C10orf90: variants seen among roughly 807,000 people sequenced by gnomAD.
C10orf90 encodes (E2-independent) E3 ubiquitin-conjugating enzyme FATS.
Under a neutral mutation model 62.5 loss-of-function variants are expected in C10orf90, and 56 were observed. The ratio of observed to expected loss-of-function variants is 0.90; its 90% CI spans 0.72 to 1.12. The LOEUF (loss-of-function observed/expected upper bound fraction) is 1.12, where lower values mean the gene tolerates loss of function less well. C10orf90 is among the 50% of genes most tolerant of loss of function. The pLI, the probability that C10orf90 is intolerant of heterozygous loss-of-function variation, is 0.00. For missense variants in C10orf90, 970 were observed against 880.4 expected (o/e 1.10, Z -1.29); for synonymous variants, 386 against 340.4 (o/e 1.13, Z -1.47).
At chr10:126,457,837 G>T (rs1166844299) in intron 7 of C10orf90, among the ~76,000 whole-genome samples, 1 of 152,158 alleles carries the variant, frequency 6.6e-6, no homozygotes, top group African/African-American at 2.4e-5. Context: ...AGATGAAAAA[G>T]CTTCCTGGAA....
intron 7 of C10orf90, among the ~76,000 whole-genome samples, chr10:126,457,197 C>T (rs1859641676): frequency 6.6e-6 from 1 of 152,146 alleles, no homozygotes; most frequent in South Asian, 2.1e-4. Flanking sequence ...CCATGTTGCC[C>T]AGGCTGGTCT....
intron 2 of C10orf90, among the ~76,000 whole-genome samples, chr10:126,608,894 A>C (rs1416848445): frequency 6.6e-6 from 1 of 152,222 alleles, no homozygotes; most frequent in Non-Finnish European, 1.5e-5. Context: ...TTTGTAGTTC[A>C]GCACATATGG....
intron 2 of C10orf90, among the ~76,000 whole-genome samples, chr10:126,546,824 T>C (rs1393807037): frequency 1.3e-5 from 2 of 152,222 alleles, no homozygotes; most frequent in African/African-American, 2.4e-5. Flanking sequence ...CAGGTTTTCA[T>C]TGAAAAATCA....
chr10:126,640,708 A>G (rs1363502317), intron 2 of C10orf90, among the ~76,000 whole-genome samples: 2 of 152,206 alleles, frequency 1.3e-5, no homozygotes, highest in African/African-American at 4.8e-5. Context: ...GGGTTTTCAG[A>G]CAGAAGAGTC....
Position 126,459,212 on chromosome 10 carries a change from T to C in C10orf90, c.2016A>G (p.Ala672=), listed in dbSNP as rs781271348. The C allele has an allele frequency of 5.0e-6, 8 of 1,613,728 alleles. No individual in the cohort carries two copies. The Admixed American group carries it at 6.7e-5, about 13-fold the overall frequency. Residue 672 remains alanine, a synonymous_variant, in exon 7 of 10, where the codon GCA becomes GCG. Transcript: ENST00000488181. The part of the protein sequence containing the change: ...TPARSLTLQE[A]LEVRKPQFIS... Reference sequence around the variant, plus strand: ...TGAACTGAGGCTTACGAACTTCCAGTGCTTCCTATGCAAAGCAAAGAAAAT... The same window carrying C: ...TGAACTGAGGCTTACGAACTTCCAGCGCTTCCTATGCAAAGCAAAGAAAAT...
In C10orf90 at chr10:126,620,386, C is replaced by T. The variant is rs796993365; in HGVS notation, c.313+26179G>A. ...ACACCTGCAAGTCTGTGGCTGGGCT[C>T]TCAAGTCTGTCCTTATACTAATTCC... On this transcript the variant is annotated intron_variant, in intron 2 of 9. Transcript: ENST00000488181. Among the ~76,000 whole-genome samples, 16 of 152,266 alleles carry T rather than the reference C, an allele frequency of 1.1e-4. 1 individual carries two copies. The highest frequency in any genetic ancestry group is 3.6e-4 in the African/African-American group (15 of 41,536).
At chr10:126,632,810 G>A (rs1484583151) in intron 2 of C10orf90, among the ~76,000 whole-genome samples, 3 of 152,102 alleles carry the variant, frequency 2.0e-5, no homozygotes, top group Admixed American at 2.0e-4. Context: ...CTTGGCCCCA[G>A]CCTTCACCTT....
chr10:126,485,379 T>C (rs1301086973), intron 4 of C10orf90, among the ~76,000 whole-genome samples: 2 of 152,210 alleles, frequency 1.3e-5, no homozygotes, highest in Non-Finnish European at 2.9e-5. Flanking sequence ...AGACATCCCA[T>C]GTAAGTCCAC....
intron 2 of C10orf90, among the ~76,000 whole-genome samples, chr10:126,618,849 T>C (rs1246003399): frequency 1.3e-5 from 2 of 152,136 alleles, no homozygotes; most frequent in Non-Finnish European, 2.9e-5. Flanking sequence ...TCAAACTGTG[T>C]ATAAAGGAAA....
intron 2 of C10orf90, among the ~76,000 whole-genome samples, chr10:126,565,208 TAATATAATTTTTATATTACATATTATG>T (rs1844328768): frequency 1.7e-5 from 1 of 60,602 alleles, no homozygotes; most frequent in African/African-American, 6.1e-5. Context: ...ACATATTATG[TAATATAATTTTTATATTACATATTATG>T]TAATATAATA....
intron 2 of C10orf90, among the ~76,000 whole-genome samples, chr10:126,603,643 C>T (rs903566561): frequency 1.3e-5 from 2 of 152,112 alleles, no homozygotes; most frequent in Non-Finnish European, 2.9e-5. Flanking sequence ...TGTAAAAGGG[C>T]CCTAAGAGTT....
intron 2 of C10orf90, among the ~76,000 whole-genome samples, chr10:126,598,954 T>C (rs1845139571): frequency 6.6e-6 from 1 of 152,200 alleles, no homozygotes; most frequent in South Asian, 2.1e-4. Context: ...TTGCTCTATA[T>C]TCAAAACAAA....
intron 2 of C10orf90, among the ~76,000 whole-genome samples, chr10:126,644,581 C>T (rs1277814167): frequency 2.0e-5 from 3 of 152,222 alleles, no homozygotes; most frequent in African/African-American, 7.2e-5. Flanking sequence ...CTCTGTCTCC[C>T]TCCCAACCCA....
chr10:126,529,885 A>G (rs1316220681), intron 2 of C10orf90, among the ~76,000 whole-genome samples: 2 of 152,218 alleles, frequency 1.3e-5, no homozygotes, highest in Non-Finnish European at 2.9e-5. Context: ...CTGCATTAAG[A>G]TGTGCCATTT....
At chr10:126,533,689 A>C (rs1864162670) in intron 2 of C10orf90, among the ~76,000 whole-genome samples, 1 of 152,210 alleles carries the variant, frequency 6.6e-6, no homozygotes, top group Non-Finnish European at 1.5e-5. Context: ...TAAAGGACCC[A>C]AGGCCAGGTT....
At chr10:126,553,122 G>T (rs1240714450) in intron 2 of C10orf90, among the ~76,000 whole-genome samples, 1 of 151,770 alleles carries the variant, frequency 6.6e-6, no homozygotes, top group Non-Finnish European at 1.5e-5. Flanking sequence ...TCTTTAAAAG[G>T]ATACAGAAAA....
At chr10:126,539,650 A>G (rs547252067) in intron 2 of C10orf90, among the ~76,000 whole-genome samples, 1 of 152,336 alleles carries the variant, frequency 6.6e-6, no homozygotes, top group South Asian at 2.1e-4. Flanking sequence ...CAAAAGAAAT[A>G]TAATACTTAT....
intron 2 of C10orf90, among the ~76,000 whole-genome samples, chr10:126,517,238 C>T (rs878886422): frequency 3.9e-5 from 6 of 152,044 alleles, no homozygotes; most frequent in African/African-American, 1.4e-4. Context: ...GCTTACAATG[C>T]TATGTTTATC....
intron 4 of C10orf90, among the ~76,000 whole-genome samples, chr10:126,495,192 G>T (rs1400228621): frequency 6.6e-6 from 1 of 152,098 alleles, no homozygotes; most frequent in Non-Finnish European, 1.5e-5. Flanking sequence ...TCTTAACCAG[G>T]GAGGCACTGA....
Sources: allele counts gnomAD v4.1 joint callset (sites outside exome capture counted in the v4.1 genomes callset), GRCh38; gene constraint gnomAD v4.1.1; transcripts MANE v1.5; gene names NCBI Gene and HGNC (gene_info 2026-07-23, HGNC 2026-07-21).